LUZP2: variants seen among roughly 807,000 people sequenced by gnomAD.
LUZP2 encodes leucine zipper protein 2.
In LUZP2, 52 loss-of-function variants were observed where a neutral mutation model predicts 51.6. The ratio of observed to expected loss-of-function variants is 1.01; its 90% confidence interval spans 0.81 to 1.27. The LOEUF is 1.27. Ranked by LOEUF, LUZP2 falls within the 50% of genes most tolerant of loss-of-function variation. The pLI is 0.00. For missense variants in LUZP2, 436 were observed against 395.4 expected (o/e 1.10, Z -0.87); for synonymous variants, 154 against 137.3 (o/e 1.12, Z -0.85).
chr11:24,819,472 G>A (rs1419361734), intron 5 of LUZP2, among the ~76,000 whole-genome samples: 1 of 152,074 alleles, frequency 6.6e-6, no homozygotes, highest in African/African-American at 2.4e-5. Flanking sequence ...ATGACTTAGT[G>A]ATTTAGACGT....
intron 1 of LUZP2, among the ~76,000 whole-genome samples, chr11:24,504,071 T>A (rs1301130451): frequency 6.6e-6 from 1 of 152,176 alleles, no homozygotes; most frequent in Non-Finnish European, 1.5e-5. Flanking sequence ...TGCACACCAT[T>A]TACCTCCCAT....
chr11:24,826,607 A>G (rs12806417), intron 5 of LUZP2, among the ~76,000 whole-genome samples: 2 of 152,074 alleles, frequency 1.3e-5, no homozygotes, highest in African/African-American at 4.8e-5. Context: ...AGCAACTTAA[A>G]TAATAAAGCA....
At chr11:24,780,706 A>G (rs1212434632) in intron 5 of LUZP2, among the ~76,000 whole-genome samples, 2 of 152,152 alleles carry the variant, frequency 1.3e-5, no homozygotes, top group Non-Finnish European at 2.9e-5. Flanking sequence ...ATGTCACTCA[A>G]TTTGAACAAC....
intron 5 of LUZP2, among the ~76,000 whole-genome samples, chr11:24,859,132 T>C (rs1851656693): frequency 6.6e-6 from 1 of 152,240 alleles, no homozygotes; most frequent in Admixed American, 6.5e-5. Context: ...ATATAAGTTA[T>C]GTGACAATAT....
intron 9 of LUZP2, among the ~76,000 whole-genome samples, chr11:25,018,721 C>T (rs1349574223): frequency 6.6e-6 from 1 of 151,354 alleles, no homozygotes; most frequent in Non-Finnish European, 1.5e-5. Context: ...GATTCTCATG[C>T]CTCAGCCTCT....
intron 1 of LUZP2, among the ~76,000 whole-genome samples, chr11:24,703,575 T>C (rs4600211): frequency 0.22 from 33,062 of 151,682 alleles, 3,775 homozygotes; most frequent in East Asian, 0.34. Flanking sequence ...GTAATCCCAG[T>C]ACTTTGGGAG....
At chr11:24,835,160 C>G (rs772214658) in intron 5 of LUZP2, among the ~76,000 whole-genome samples, 3 of 152,078 alleles carry the variant, frequency 2.0e-5, no homozygotes, top group African/African-American at 7.2e-5. Flanking sequence ...CACCACACAT[C>G]TATAACCATC....
chr11:24,923,223 T>A (rs1288419489), intron 7 of LUZP2, among the ~76,000 whole-genome samples: 1 of 152,156 alleles, frequency 6.6e-6, no homozygotes, highest in Non-Finnish European at 1.5e-5. Flanking sequence ...CTACTTTGTA[T>A]TTTAAGGTGA....
intron 5 of LUZP2, among the ~76,000 whole-genome samples, chr11:24,861,927 C>T (rs1198207828): frequency 5.3e-5 from 8 of 152,204 alleles, no homozygotes; most frequent in East Asian, 1.9e-4. Context: ...ATGATAAATT[C>T]CCCTACACTT....
chr11:25,012,912 A>G (rs184879539), intron 9 of LUZP2, among the ~76,000 whole-genome samples: 53 of 152,250 alleles, frequency 3.5e-4, no homozygotes, highest in African/African-American at 1.2e-3. Context: ...TCAAATGGAT[A>G]CCTGTACTCA....
At chr11:24,815,651 G>T (rs889381821) in intron 5 of LUZP2, among the ~76,000 whole-genome samples, 4 of 152,090 alleles carry the variant, frequency 2.6e-5, no homozygotes, top group Admixed American at 2.6e-4. Flanking sequence ...AGAACAGATG[G>T]GTTGGGTTTG....
intron 9 of LUZP2, among the ~76,000 whole-genome samples, chr11:25,028,083 C>T (rs1404598817): frequency 2.6e-5 from 4 of 151,882 alleles, no homozygotes; most frequent in Non-Finnish European, 5.9e-5. Context: ...TTTGGGGGTA[C>T]TAGTAGGTGT....
At chr11:24,851,451 G>C (rs1485771366) in intron 5 of LUZP2, among the ~76,000 whole-genome samples, 3 of 152,202 alleles carry the variant, frequency 2.0e-5, no homozygotes, top group Non-Finnish European at 2.9e-5. Flanking sequence ...CAGGGATGAA[G>C]CCGACTTGAT....
At chr11:24,532,010 C>T (rs1371835576) in intron 1 of LUZP2, among the ~76,000 whole-genome samples, 1 of 150,978 alleles carries the variant, frequency 6.6e-6, no homozygotes, top group Non-Finnish European at 1.5e-5. Context: ...ATGAAGAATT[C>T]TGTTTTTAAT....
intron 7 of LUZP2, among the ~76,000 whole-genome samples, chr11:24,972,238 G>T (rs1009883334): frequency 3.4e-5 from 5 of 148,532 alleles, no homozygotes; most frequent in Non-Finnish European, 7.4e-5. Flanking sequence ...TTCCTGCCCT[G>T]ATACAAGCTT....
At chr11:24,633,988 G>T (rs867569401) in intron 1 of LUZP2, among the ~76,000 whole-genome samples, 3 of 138,554 alleles carry the variant, frequency 2.2e-5, no homozygotes, top group Non-Finnish European at 4.7e-5. Context: ...TCTATTAAAG[G>T]ACAATAAAGT....
chr11:24,899,643 TTTAGCGTGTCTCACATCAGATAAA>T (rs1853213004), intron 5 of LUZP2, among the ~76,000 whole-genome samples: 1 of 152,086 alleles, frequency 6.6e-6, no homozygotes, highest in African/African-American at 2.4e-5. Flanking sequence ...GAGAAAAGGC[TTTAGCGTGTCTCACATCAGATAAA>T]TTAGCCATGA....
chr11:24,654,901 A>G lies in LUZP2; in HGVS notation c.63-74268A>G, dbSNP rs544341010. On this transcript the variant is annotated intron_variant, in intron 1 of 11. Transcript: ENST00000336930. ...TGGAAAGATTTTTTCCAAAAAAATAAAGATGTTCCTTGGCATTTACCCTAT... is the reference window on the plus strand; with the variant it reads ...TGGAAAGATTTTTTCCAAAAAAATAGAGATGTTCCTTGGCATTTACCCTAT... 2.0e-5 allele frequency among the ~76,000 whole-genome samples: 3 copies of G among 152,246 alleles called. No individual in the cohort carries two copies. The South Asian group carries it at 6.2e-4, about 32-fold the overall frequency.
intron 5 of LUZP2, among the ~76,000 whole-genome samples, chr11:24,785,121 T>C (rs1299657118): frequency 1.3e-5 from 2 of 152,058 alleles, no homozygotes; most frequent in Non-Finnish European, 2.9e-5. Flanking sequence ...AGATATCTCT[T>C]CTATGATACC....
Sources: gnomAD v4.1 joint callset for allele counts (sites outside exome capture counted in the v4.1 genomes callset) on GRCh38, gnomAD v4.1.1 for gene constraint, MANE v1.5 for transcripts, NCBI Gene and HGNC (gene_info 2026-07-23, HGNC 2026-07-21) for gene names.